Variants in LOC128125817 observed in about 807,000 individuals in gnomAD.
At chr1:41,625,886 T>C in the LOC128125817 span, among the ~76,000 whole-genome samples, 2 of 152,224 alleles carry the variant, frequency 1.3e-5, no homozygotes, top group African/African-American at 4.8e-5. Context: ...TCATAAACCA[T>C]CATTTTAACC....
At chr1:41,621,329 A>G in the LOC128125817 span, among the ~76,000 whole-genome samples, 1 of 152,224 alleles carries the variant, frequency 6.6e-6, no homozygotes, top group Admixed American at 6.5e-5. Context: ...ACACACATGG[A>G]GAAATTCTGG....
At chr1:41,606,086 C>T in the LOC128125817 span, among the ~76,000 whole-genome samples, 2 of 149,556 alleles carry the variant, frequency 1.3e-5, no homozygotes, top group South Asian at 2.1e-4. Flanking sequence ...AATGCCAAAC[C>T]GTCCTCACTT....
At chr1:41,607,350 T>C in the LOC128125817 span, among the ~76,000 whole-genome samples, 1 of 152,250 alleles carries the variant, frequency 6.6e-6, no homozygotes, top group Non-Finnish European at 1.5e-5. Flanking sequence ...TCTTCATGCA[T>C]ATCCATTGTG....
chr1:41,607,386 T>A, the LOC128125817 span, among the ~76,000 whole-genome samples: 1 of 152,254 alleles, frequency 6.6e-6, no homozygotes, highest in African/African-American at 2.4e-5. Flanking sequence ...ACTGAAGTTT[T>A]TTCCATAATG....
the LOC128125817 span, among the ~76,000 whole-genome samples, chr1:41,592,478 GGAGAA>G: frequency 1.3e-5 from 2 of 152,224 alleles, no homozygotes; most frequent in African/African-American, 4.8e-5. Context: ...CTTAAGCTGA[GGAGAA>G]TTCCACATGG....
At chr1:41,601,647 G>T in the LOC128125817 span, among the ~76,000 whole-genome samples, 2 of 152,020 alleles carry the variant, frequency 1.3e-5, no homozygotes, top group Non-Finnish European at 2.9e-5. Flanking sequence ...CTTTTTAATG[G>T]CATCTTTAGG....
At chr1:41,616,992 AAC>A in the LOC128125817 span, among the ~76,000 whole-genome samples, 1 of 152,116 alleles carries the variant, frequency 6.6e-6, no homozygotes, top group African/African-American at 2.4e-5. Flanking sequence ...AGGGTCAAGC[AAC>A]ACAGTTTGTA....
chr1:41,594,171 G>C, the LOC128125817 span, among the ~76,000 whole-genome samples: 2 of 152,092 alleles, frequency 1.3e-5, no homozygotes, highest in Non-Finnish European at 2.9e-5. Flanking sequence ...GGATAGTTTG[G>C]GGGTCCATTA....
chr1:41,604,007 T>C, the LOC128125817 span, among the ~76,000 whole-genome samples: 3 of 152,244 alleles, frequency 2.0e-5, no homozygotes, highest in Non-Finnish European at 4.4e-5. Context: ...CCATAACAGC[T>C]AACATGAAGC....
the LOC128125817 span, among the ~76,000 whole-genome samples, chr1:41,602,294 T>C: frequency 2.6e-5 from 4 of 152,280 alleles, no homozygotes; most frequent in Admixed American, 2.6e-4. Flanking sequence ...TCTTCAATTT[T>C]TTTTGGAAGA....
the LOC128125817 span, among the ~76,000 whole-genome samples, chr1:41,613,766 T>A: frequency 3.3e-5 from 5 of 152,204 alleles, no homozygotes; most frequent in African/African-American, 9.6e-5. Flanking sequence ...CCAGAACACA[T>A]GTATCACTCT....
At chr1:41,620,070 A>G in the LOC128125817 span, among the ~76,000 whole-genome samples, 1 of 152,140 alleles carries the variant, frequency 6.6e-6, no homozygotes, top group Non-Finnish European at 1.5e-5. Context: ...AAATGGAAGG[A>G]AAGGGGGAAA....
At chr1:41,586,371 A>G in the LOC128125817 span, among the ~76,000 whole-genome samples, 4 of 152,234 alleles carry the variant, frequency 2.6e-5, no homozygotes, top group Admixed American at 1.3e-4. Context: ...GGACATCATG[A>G]AGATGGCTTA....
the LOC128125817 span, among the ~76,000 whole-genome samples, chr1:41,600,234 T>A: frequency 2.6e-5 from 4 of 152,188 alleles, no homozygotes; most frequent in Non-Finnish European, 4.4e-5. Flanking sequence ...TCAAAAGAAT[T>A]GAAATCAGAG....
the LOC128125817 span, among the ~76,000 whole-genome samples, chr1:41,609,026 G>C: frequency 6.6e-6 from 1 of 151,762 alleles, no homozygotes; most frequent in Admixed American, 6.6e-5. Context: ...GGAGGTTGCA[G>C]TGAGCCTGGG....
the LOC128125817 span, among the ~76,000 whole-genome samples, chr1:41,588,025 G>C: frequency 1.3e-5 from 2 of 152,184 alleles, no homozygotes; most frequent in Non-Finnish European, 2.9e-5. Context: ...CAGAAGAAAG[G>C]GGAGCCCAGC....
At chr1:41,621,624 C>A in the LOC128125817 span, among the ~76,000 whole-genome samples, 45 of 152,370 alleles carry the variant, frequency 3.0e-4, no homozygotes, top group African/African-American at 1.0e-3. Context: ...AAGCCATCCA[C>A]CCGCTTCAGT....
the LOC128125817 span, among the ~76,000 whole-genome samples, chr1:41,589,611 C>T: frequency 1.3e-5 from 2 of 152,204 alleles, no homozygotes; most frequent in African/African-American, 4.8e-5. Context: ...GATGGGCTCT[C>T]TCAGGTAGAC....
the LOC128125817 span, among the ~76,000 whole-genome samples, chr1:41,605,108 T>TA: frequency 0.062 from 5,170 of 83,870 alleles, 169 homozygotes; most frequent in Middle Eastern, 0.083. Context: ...CTGTCTCCAA[T>TA]AAAAAAAAAA....
Sources: gnomAD v4.1 joint callset for allele counts (sites outside exome capture counted in the v4.1 genomes callset) on GRCh38, gnomAD v4.1.1 for gene constraint, MANE v1.5 for transcripts.